CDH13: variants seen among roughly 807,000 people sequenced by gnomAD.
CDH13 encodes cadherin-13.
CDH13 carries 24 observed loss-of-function variants against 63.8 expected under a neutral mutation model. That is an observed-to-expected ratio of 0.38 (90% CI 0.27 to 0.53). The LOEUF is 0.53. CDH13 is among the 20% of genes least tolerant of loss of function. The pLI, the probability that CDH13 is intolerant of heterozygous loss-of-function variation, is 0.85. For synonymous variants in CDH13, 503 were observed against 355.3 expected (o/e 1.42, Z -4.67); for missense variants, 1,049 against 903.1 (o/e 1.16, Z -2.07).
chr16:83,598,894 G>A (rs148533876), intron 7 of CDH13, among the ~76,000 whole-genome samples: 16 of 152,264 alleles, frequency 1.1e-4, no homozygotes, highest in East Asian at 3.9e-4. Context: ...TTCCCTAAGC[G>A]TTCTGAAAGA....
intron 2 of CDH13, among the ~76,000 whole-genome samples, chr16:82,942,732 A>T (rs1904306923): frequency 6.6e-6 from 1 of 152,168 alleles, no homozygotes; most frequent in Non-Finnish European, 1.5e-5. Context: ...TAAAGATGTG[A>T]AATTGAGGTT....
intron 6 of CDH13, among the ~76,000 whole-genome samples, chr16:83,450,587 A>G (rs2072859612): frequency 6.6e-6 from 1 of 152,192 alleles, no homozygotes; most frequent in Admixed American, 6.5e-5. Context: ...TTTGATAAAG[A>G]GGGCCAGGGG....
intron 4 of CDH13, among the ~76,000 whole-genome samples, chr16:83,215,566 C>T (rs926448240): frequency 3.3e-5 from 5 of 150,384 alleles, no homozygotes; most frequent in African/African-American, 1.2e-4. Context: ...AAAGTTCATG[C>T]TGCCTTAGGC....
intron 1 of CDH13, among the ~76,000 whole-genome samples, chr16:82,716,070 G>T (rs1180535008): frequency 1.3e-5 from 2 of 152,158 alleles, no homozygotes; most frequent in Non-Finnish European, 2.9e-5. Flanking sequence ...GACCTTCCAG[G>T]CATGGTGAGA....
chr16:82,888,643 T>G (rs775701087), intron 2 of CDH13, among the ~76,000 whole-genome samples: 21 of 152,182 alleles, frequency 1.4e-4, no homozygotes, highest in Non-Finnish European at 2.2e-4. Context: ...CCCCTAGCAC[T>G]GAAGTTCTGT....
intron 4 of CDH13, among the ~76,000 whole-genome samples, chr16:83,169,204 A>G (rs13337002): frequency 0.18 from 26,583 of 150,918 alleles, 2,467 homozygotes; most frequent in African/African-American, 0.2. Context: ...TTGAGACGGC[A>G]TCTCACTTTG....
intron 4 of CDH13, among the ~76,000 whole-genome samples, chr16:83,176,512 G>GAAAAAAA (rs869250059): frequency 7.0e-5 from 5 of 71,788 alleles, no homozygotes; most frequent in African/African-American, 1.4e-4. Flanking sequence ...TCCAGCTAGA[G>GAAAAAAA]AAAAAAAAAA....
chr16:83,323,174 T>TTCTTTC (rs1555530163), intron 5 of CDH13, among the ~76,000 whole-genome samples: 51 of 82,260 alleles, frequency 6.2e-4, no homozygotes, highest in Non-Finnish European at 7.6e-4. Context: ...TCTCTTTCTT[T>TTCTTTC]TTTCTTTCTT....
chr16:83,541,642 G>A (rs943198523), intron 7 of CDH13, among the ~76,000 whole-genome samples: 8 of 152,186 alleles, frequency 5.3e-5, no homozygotes, highest in African/African-American at 1.9e-4. Flanking sequence ...CTAGAGGAAG[G>A]CACAGCCCAA....
chr16:83,354,651 C>G (rs1201677310), intron 6 of CDH13, among the ~76,000 whole-genome samples: 1 of 152,142 alleles, frequency 6.6e-6, no homozygotes, highest in Non-Finnish European at 1.5e-5. Context: ...ATAAAGGAGC[C>G]TACCAAGTAA....
intron 1 of CDH13, among the ~76,000 whole-genome samples, chr16:82,792,788 T>C (rs552054102): frequency 1.3e-5 from 2 of 152,358 alleles, no homozygotes; most frequent in East Asian, 3.9e-4. Flanking sequence ...ACTGTTTATT[T>C]GGAAATCATC....
chr16:82,901,278 T>C (rs925486597), intron 2 of CDH13, among the ~76,000 whole-genome samples: 2 of 151,936 alleles, frequency 1.3e-5, no homozygotes, highest in African/African-American at 4.8e-5. Flanking sequence ...CCTTCAAATA[T>C]GATTTACCTG....
intron 10 of CDH13, among the ~76,000 whole-genome samples, chr16:83,730,724 T>C (rs1243871881): frequency 6.6e-6 from 1 of 152,214 alleles, no homozygotes; most frequent in African/African-American, 2.4e-5. Context: ...CCTGGGTCTA[T>C]TGCGTGTTGC....
chr16:83,018,402 G>C (rs1915019196), intron 2 of CDH13, among the ~76,000 whole-genome samples: 1 of 152,120 alleles, frequency 6.6e-6, no homozygotes, highest in Non-Finnish European at 1.5e-5. Flanking sequence ...TGTTTTTAAT[G>C]GGTTAATGGA....
At chr16:82,756,610 G>A (rs377237906) in intron 1 of CDH13, among the ~76,000 whole-genome samples, 1 of 152,156 alleles carries the variant, frequency 6.6e-6, no homozygotes, top group Non-Finnish European at 1.5e-5. Context: ...TATGTGGTTA[G>A]CATGGTGTCA....
intron 4 of CDH13, among the ~76,000 whole-genome samples, chr16:83,172,935 T>C (rs1203972808): frequency 1.3e-5 from 2 of 152,246 alleles, no homozygotes; most frequent in South Asian, 2.1e-4. Flanking sequence ...ATTTATTTGA[T>C]GCTGAACCAA....
chr16:82,955,244 T>G (rs1020332333), intron 2 of CDH13, among the ~76,000 whole-genome samples: 5 of 152,208 alleles, frequency 3.3e-5, no homozygotes, highest in African/African-American at 1.2e-4. Flanking sequence ...TGCTGTTTAA[T>G]TAAGCAAGAT....
intron 5 of CDH13, among the ~76,000 whole-genome samples, chr16:83,231,251 T>C (rs549097215): frequency 3.2e-4 from 48 of 152,196 alleles, no homozygotes; most frequent in Non-Finnish European, 6.5e-4. Context: ...GATCATGGCA[T>C]GCCGGTACCC....
At position 83,796,916 on chromosome 16, in the gene CDH13, T is replaced by A. The variant is rs1904284278; in HGVS notation, c.*1886T>A. The A allele has an allele frequency of 6.6e-6, 1 of 152,232 alleles. No homozygotes were observed. 9.4% of individuals were successfully genotyped at this position (152,232 alleles called of 1,614,324 possible). On this transcript the variant is annotated 3_prime_UTR_variant, in exon 14 of 14. Transcript: ENST00000567109. ...GCCATCTGTCAACAGTCCCAAGACC[T>A]GGGGATTTTTCTCTGGAACAAATCC...
Sources: allele counts gnomAD v4.1 joint callset (sites outside exome capture counted in the v4.1 genomes callset), GRCh38; gene constraint gnomAD v4.1.1; transcripts MANE v1.5; gene names NCBI Gene and HGNC (gene_info 2026-07-23, HGNC 2026-07-21).